The following ZMIZ2 variants were observed in gnomAD, a reference collection of about 807,000 sequenced individuals.
ZMIZ2 encodes the protein zinc finger MIZ-type containing 2, also known as zinc finger MIZ domain-containing protein 2.
ZMIZ2 carries 26 observed loss-of-function variants against 93.9 expected under a neutral mutation model. The observed-to-expected ratio is 0.28, with a 90% CI of 0.20 to 0.38. The LOEUF is 0.38. Ranked by LOEUF, ZMIZ2 falls within the 10% of genes least tolerant of loss-of-function variation. The pLI, the probability that ZMIZ2 is intolerant of heterozygous loss-of-function variation, is 1.00. For missense variants in ZMIZ2, 1,023 were observed against 1,235.0 expected, an observed-to-expected ratio of 0.83 and a Z score of 2.57; for synonymous variants, 485 against 516.4, an observed-to-expected ratio of 0.94 and a Z score of 0.82.
intron 13 of ZMIZ2, 39 bp from the exon 14 acceptor site, chr7:44,764,380 C>A: frequency 6.2e-7 from 1 of 1,606,100 alleles, no homozygotes; most frequent in Non-Finnish European, 8.5e-7. Flanking sequence ...CCTGTGCTAC[C>A]CACAATGAGA....
At chr7:44,762,417 G>A (rs148307842) in intron 11 of ZMIZ2, among the ~76,000 whole-genome samples, 10 of 152,360 alleles carry the variant, frequency 6.6e-5, no homozygotes, top group African/African-American at 2.4e-4. Context: ...TTGGGCTAGA[G>A]AAGAAAGACA....
chr7:44,757,374 G>T lies in ZMIZ2; in HGVS notation c.369-4G>T. 6.3e-7 allele frequency: 1 copy of T among 1,598,496 alleles called. No homozygotes were observed. The highest frequency in any genetic ancestry group is 8.5e-7 in the Non-Finnish European group (1 of 1,178,480). ...AGAGCGTGGCAATCCTGTGTCTCCT[G>T]CAGGTATGCAGGCGGCCCGGGGGGC... On this transcript the variant is annotated splice_region_variant and splice_polypyrimidine_tract_variant and intron_variant, in intron 4 of 18. Transcript: ENST00000309315.
chr7:44,749,674 T>C (rs933154785), intron 1 of ZMIZ2: 1 of 152,496 alleles, frequency 6.6e-6, no homozygotes, highest in Non-Finnish European at 1.5e-5. Flanking sequence ...GTGCCTTGTT[T>C]ACCCCTCCAC....
At position 44,762,950 on chromosome 7, in the gene ZMIZ2, A is replaced by G; in HGVS notation, c.1666A>G (p.Lys556Glu). 6.2e-7 allele frequency: 1 copy of G among 1,613,476 alleles called. No homozygotes were observed. The highest frequency in any genetic ancestry group is 8.5e-7 in the Non-Finnish European group (1 of 1,179,662). The change falls in exon 12 of 19, where the codon AAG (lysine) becomes GAG (glutamate). Residue 556 changes from lysine to glutamate, a missense_variant. Physicochemically the swap from Lys to Glu is moderately conservative, Grantham distance 56. This residue lies in a region of ZMIZ2 where 656 missense variants were observed against 777.1 expected (regional missense o/e 0.84). Coordinates refer to ENST00000309315, the MANE Select transcript of ZMIZ2 (RefSeq NM_031449.4). Reference protein sequence around the residue: ...VRSVLQGLLKKRLLPAEHCIT... With the variant: ...VRSVLQGLLKERLLPAEHCIT... ...CTCGGTGCTGCAGGGCCTCCTCAAA[A>G]AGCGCCTCCTGCCTGCTGAGCACTG...
At chr7:44,759,575 G>A (rs1562734586) in intron 7 of ZMIZ2, 115 bp downstream of exon 7, 7 of 780,038 alleles carry the variant, frequency 9.0e-6, no homozygotes, top group Non-Finnish European at 1.1e-5. Context: ...GGGCCAGCAG[G>A]ATGTGTAGGT....
At chr7:44,759,097 A>AC (rs1215700048) in intron 6 of ZMIZ2, among the ~76,000 whole-genome samples, 184 bp from the exon 7 acceptor site, 5 of 147,734 alleles carry the variant, frequency 3.4e-5, no homozygotes, top group African/African-American at 9.9e-5. Flanking sequence ...AAAAAAAAAA[A>AC]AAAAAAAAAA....
chr7:44,757,378 G>A lies in ZMIZ2; in HGVS notation c.369G>A (p.Gly123=). 2.5e-6 allele frequency: 4 copies of A among 1,599,254 alleles called. No individual in the cohort carries two copies. Among genetic ancestry groups the A allele is most frequent in the Non-Finnish European group, 3.4e-6 (4 of 1,178,804 alleles). ...GYPGAPGFTT[G]YAGGPGGLGL... ...CGTGGCAATCCTGTGTCTCCTGCAG[G>A]TATGCAGGCGGCCCGGGGGGCCTGG... Residue 123 remains glycine (G), a splice_region_variant and synonymous_variant, in exon 5 of 19, where the codon GGG becomes GGA. Transcript: ENST00000309315.
In ZMIZ2 at chr7:44,760,144, C is replaced by G. The variant is rs1336822758; in HGVS notation, c.994-7C>G. On this transcript the variant is annotated splice_polypyrimidine_tract_variant and splice_region_variant and intron_variant, in intron 7 of 18. Transcript: ENST00000309315. Reference sequence around the variant, plus strand: ...GCCCCAGGTGCATGCAGTTTTCTCTCCCGCAGCCCACAGAGCAGTTCAACG... The same window carrying G: ...GCCCCAGGTGCATGCAGTTTTCTCTGCCGCAGCCCACAGAGCAGTTCAACG... 1 of 1,613,934 alleles carries G rather than the reference C, an allele frequency of 6.2e-7. No individual in the cohort carries two copies. The highest frequency in any genetic ancestry group is 8.5e-7 in the Non-Finnish European group (1 of 1,179,974).
chr7:44,758,756 C>T (rs1308707007), intron 6 of ZMIZ2, among the ~76,000 whole-genome samples: 2 of 151,962 alleles, frequency 1.3e-5, no homozygotes, highest in East Asian at 3.9e-4. Flanking sequence ...AATAAAAATA[C>T]AAAAAGCATT....
rs973450360 is a variant in ZMIZ2 at position 44,763,715 on chromosome 7, C to G, written c.1860+302C>G. 1 of 363,314 alleles carries G rather than the reference C, an allele frequency of 2.8e-6. No individual in the cohort carries two copies. Among genetic ancestry groups the G allele is most frequent in the African/African-American group, 2.1e-5 (1 of 48,188 alleles). The allele number at this position is 363,314 out of a possible 1,614,324, so 22.5% of individuals were successfully genotyped here. A position where few individuals can be genotyped will look rare whatever the true frequency, so the allele number is the denominator to read the frequency against. Reference sequence around the variant, plus strand: ...CTTCCTGCCCTACCCCCAAGGGTGACCATCGTTAGCATCTGTCTTTGCAGA... The same window carrying G: ...CTTCCTGCCCTACCCCCAAGGGTGAGCATCGTTAGCATCTGTCTTTGCAGA... On this transcript the variant is annotated intron_variant, in intron 13 of 18. Coordinates refer to ENST00000309315, the MANE Select transcript of ZMIZ2 (RefSeq NM_031449.4). The surrounding 1 kb of genome is among the most constrained non-coding windows in gnomAD (Gnocchi z 5.6).
At chr7:44,759,102 A>G (rs949496886) in intron 6 of ZMIZ2, among the ~76,000 whole-genome samples, 179 bp from the exon 7 acceptor site, 1 of 150,486 alleles carries the variant, frequency 6.6e-6, no homozygotes, top group South Asian at 2.1e-4. Context: ...AAAAAAAAAA[A>G]AAAAACAGGC....
chr7:44,764,524 G>A (rs1791504516), intron 14 of ZMIZ2, 38 bp downstream of exon 14: 1 of 1,608,322 alleles, frequency 6.2e-7, no homozygotes, highest in East Asian at 2.2e-5. Context: ...AGGAGGGGCT[G>A]GTGCTTTTAG....
At chr7:44,758,640 C>T (rs778028159) in intron 6 of ZMIZ2, among the ~76,000 whole-genome samples, 37 of 150,202 alleles carry the variant, frequency 2.5e-4, no homozygotes, top group Non-Finnish European at 4.2e-4. Context: ...AGGCCGGGCG[C>T]GGTGGCTCAC....
intron 3 of ZMIZ2, 197 bp downstream of exon 3, chr7:44,756,736 G>T: frequency 1.3e-6 from 1 of 778,372 alleles, no homozygotes; most frequent in Non-Finnish European, 2.0e-6. Flanking sequence ...CACCTGCTGT[G>T]GGATTTTCTT....
chr7:44,761,941 G>T lies in ZMIZ2; in HGVS notation c.1596+36G>T, dbSNP rs755130738. Reference sequence around the variant, plus strand: ...TGCGCCGAGGGGGCGGTGCTGTGGCGTGGGGCGGGGTGTGGTGGGGCCTGG... The same window carrying T: ...TGCGCCGAGGGGGCGGTGCTGTGGCTTGGGGCGGGGTGTGGTGGGGCCTGG... On this transcript the variant is annotated intron_variant, in intron 11 of 18. Coordinates refer to ENST00000309315, the MANE Select transcript of ZMIZ2 (RefSeq NM_031449.4). This position sits in a 1 kb window ranked among gnomAD's most constrained non-coding sequence, Gnocchi z 5.8. 1 of 1,579,912 alleles carries T rather than the reference G, an allele frequency of 6.3e-7. No individual in the cohort carries two copies. The highest frequency in any genetic ancestry group is 8.6e-7 in the Non-Finnish European group (1 of 1,166,846).
At chr7:44,762,116 A>G (rs1452787514) in intron 11 of ZMIZ2, among the ~76,000 whole-genome samples, 4 of 152,244 alleles carry the variant, frequency 2.6e-5, no homozygotes, top group African/African-American at 4.8e-5. Context: ...CTGCTGTAGC[A>G]TGTGTGCCCC....
At chr7:44,767,199 C>T (rs1157348760) in intron 18 of ZMIZ2, among the ~76,000 whole-genome samples, 1 of 152,174 alleles carries the variant, frequency 6.6e-6, no homozygotes, top group African/African-American at 2.4e-5. Flanking sequence ...GTGGGGATCC[C>T]CACGCAGGCT....
intron 1 of ZMIZ2, among the ~76,000 whole-genome samples, chr7:44,749,660 C>T (rs140887040): frequency 5.6e-4 from 86 of 152,334 alleles, no homozygotes; most frequent in Non-Finnish European, 9.4e-4. Flanking sequence ...GGCACCCCCA[C>T]CCGGTGCCTT....
intron 1 of ZMIZ2, chr7:44,751,163 C>G (rs1790111047): frequency 6.6e-6 from 1 of 152,252 alleles, no homozygotes; most frequent in Non-Finnish European, 1.5e-5. Flanking sequence ...GTGGAATTCC[C>G]CAGGCTCATG....
Sources: allele counts gnomAD v4.1 joint callset (sites outside exome capture counted in the v4.1 genomes callset), GRCh38; gene constraint gnomAD v4.1.1; regional missense constraint gnomAD v4.1.1; non-coding constraint Gnocchi (gnomAD v3.1); transcripts MANE v1.5; gene names NCBI Gene and HGNC (gene_info 2026-07-23, HGNC 2026-07-21).